ANGPTL8: variants seen among roughly 807,000 people sequenced by gnomAD.
ANGPTL8 encodes the protein angiopoietin like 8.
A neutral mutation model predicts 22.6 loss-of-function variants in ANGPTL8; 24 were observed. The ratio of observed to expected loss-of-function variants is 1.06; its 90% CI spans 0.77 to 1.49. The LOEUF is 1.49. ANGPTL8 is among the 40% of genes most tolerant of loss of function. ANGPTL8 has a pLI of 0.00. For missense variants in ANGPTL8, 230 were observed against 259.6 expected (o/e 0.89, Z 0.78); for synonymous variants, 88 against 113.4 (o/e 0.78, Z 1.42).
At position 11,241,567 on chromosome 19, in the gene ANGPTL8, G is replaced by A. The variant is rs760883807; in HGVS notation, c.569+13G>A. The A allele has an allele frequency of 3.2e-6, 5 of 1,554,308 alleles. No homozygotes were observed. In the South Asian group the frequency reaches 5.9e-5, roughly 18 times the overall value. On this transcript the variant is annotated intron_variant, in intron 3 of 3. Transcript: ENST00000252453. ...AGATCCAGGAGAGGTGAGCCTGGCA[G>A]GGGTTTGGCAGGCAGGGCAGTTGGA...
At chr19:11,241,091 A>C (rs1041691286) in intron 2 of ANGPTL8, among the ~76,000 whole-genome samples, 1 of 151,946 alleles carries the variant, frequency 6.6e-6, no homozygotes. Context: ...CTAAAAATAC[A>C]AAAAATTAGC....
intron 1 of ANGPTL8, 55 bp downstream of exon 1, chr19:11,239,989 G>A (rs1410916878): frequency 2.1e-5 from 33 of 1,551,270 alleles, no homozygotes; most frequent in African/African-American, 2.7e-5. Context: ...AGAGGAGTTC[G>A]TGTCTAGGGT....
Position 11,241,895 on chromosome 19 carries a change from C to T in ANGPTL8, c.*208C>T. The T allele has an allele frequency of 8.0e-7, 1 of 1,251,476 alleles. No homozygotes were observed. Among genetic ancestry groups the T allele is most frequent in the South Asian group, 1.4e-5 (1 of 70,754 alleles). The allele number at this position is 1,251,476 out of a possible 1,614,324, so 77.5% of individuals were successfully genotyped here. ...GGGAGGGGTGGAGGAAGGACATGTA[C>T]CCTTTCATGCCTACACACCCCTCAT... On this transcript the variant is annotated 3_prime_UTR_variant, in exon 4 of 4. Coordinates refer to ENST00000252453, the MANE Select transcript of ANGPTL8 (RefSeq NM_018687.7).
In ANGPTL8 at chr19:11,240,276, C is replaced by T. The variant is rs756968391; in HGVS notation, c.439C>T (p.Arg147Ter). ...LRSAWLGPAY[R>*]EFEVLKAHAD... Reference sequence around the variant, plus strand: ...GAGCGCCTGGCTGGGCCCTGCCTACCGAGAATTTGAGGTCTTAAAGGTAAG... The same window carrying T: ...GAGCGCCTGGCTGGGCCCTGCCTACTGAGAATTTGAGGTCTTAAAGGTAAG... The change falls in exon 2 of 4, where the codon CGA becomes TGA. Residue 147 changes from arginine (R) to a stop codon, truncating the protein, a stop_gained. Transcript: ENST00000252453. LOFTEE classifies it high-confidence loss of function. 2.2e-5 allele frequency: 35 copies of T among 1,582,688 alleles called. No individual in the cohort carries two copies. The highest frequency in any genetic ancestry group is 9.3e-5 in the Admixed American group (5 of 54,040).
In ANGPTL8 at chr19:11,239,848, G is replaced by C; in HGVS notation, c.211G>C (p.Gly71Arg). 6.2e-7 allele frequency: 1 copy of C among 1,600,574 alleles called. No homozygotes were observed. The part of the protein sequence containing the change: ...TKARNSLGLY[G>R]RTIELLGQEV... ...GGCCAGGAACAGCCTGGGTCTCTAT[G>C]GCCGCACAATAGAACTCCTGGGGCA... is the stretch of plus-strand genomic sequence containing the variant. Residue 71 changes from glycine (G) to arginine (R), a missense_variant, in exon 1 of 4, where the codon GGC (glycine) becomes CGC (arginine). Physicochemically the swap from Gly to Arg is moderately radical, Grantham distance 125. Transcript: ENST00000252453.
Position 11,241,838 on chromosome 19 carries a change from C to A in ANGPTL8, c.*151C>A. ...AGCACAGAGCAGAGACAGACGCAGG[C>A]GGGGACAAAGGCAGAGGATGTAGCC... is the stretch of plus-strand genomic sequence containing the variant. On this transcript the variant is annotated 3_prime_UTR_variant, in exon 4 of 4. Transcript: ENST00000252453. 1.4e-6 allele frequency: 2 copies of A among 1,385,952 alleles called. No homozygotes were observed. Among genetic ancestry groups the A allele is most frequent in the Admixed American group, 2.0e-5 (1 of 50,114 alleles). The allele number at this position is 1,385,952 out of a possible 1,614,324, so 85.9% of individuals were successfully genotyped here. A position where few individuals can be genotyped will look rare whatever the true frequency, so the allele number is the denominator to read the frequency against.
rs2079950319 is a variant in ANGPTL8, at chr19:11,241,801, G to A, written c.*114G>A. ...TCACTGGGATCAGCCAGGGCGCCGG[G>A]CCCCACTTCTGAGCACAGAGCAGAG... On this transcript the variant is annotated 3_prime_UTR_variant, in exon 4 of 4. Coordinates refer to ENST00000252453, the MANE Select transcript of ANGPTL8 (RefSeq NM_018687.7). 3.3e-6 allele frequency: 5 copies of A among 1,505,394 alleles called. No homozygotes were observed. The highest frequency in any genetic ancestry group is 1.2e-5 in the South Asian group (1 of 83,176). The allele number at this position is 1,505,394 out of a possible 1,614,324, so 93.3% of individuals were successfully genotyped here.
intron 2 of ANGPTL8, among the ~76,000 whole-genome samples, chr19:11,240,839 G>T (rs2079932535): frequency 6.6e-6 from 1 of 151,704 alleles, no homozygotes; most frequent in Non-Finnish European, 1.5e-5. Context: ...CAAAGTGCTG[G>T]GATTACAGGT....
Position 11,239,745 on chromosome 19 carries a change from C to T in ANGPTL8, c.108C>T (p.Thr36=), listed in dbSNP as rs749968127. Residue 36 remains threonine, a synonymous_variant, in exon 1 of 4, where the codon ACC becomes ACT. Transcript: ENST00000252453. Reference sequence around the variant, plus strand: ...AACTGGCACAGCATGAGGAGCTGACCCTGCTCTTCCATGGGACCCTGCAGC... The same window carrying T: ...AACTGGCACAGCATGAGGAGCTGACTCTGCTCTTCCATGGGACCCTGCAGC... ...GPELAQHEEL[T]LLFHGTLQLG... 6.2e-7 allele frequency: 1 copy of T among 1,612,952 alleles called. No individual in the cohort carries two copies. The highest frequency in any genetic ancestry group is 8.5e-7 in the Non-Finnish European group (1 of 1,179,612).
chr19:11,239,756 A>G lies in ANGPTL8; in HGVS notation c.119A>G (p.His40Arg). ...AQHEELTLLF[H>R]GTLQLGQALN... Reference sequence around the variant, plus strand: ...CATGAGGAGCTGACCCTGCTCTTCCATGGGACCCTGCAGCTGGGCCAGGCC... The same window carrying G: ...CATGAGGAGCTGACCCTGCTCTTCCGTGGGACCCTGCAGCTGGGCCAGGCC... The change falls in exon 1 of 4, where the codon CAT (histidine) becomes CGT (arginine). Residue 40 changes from histidine to arginine, a missense_variant. By Grantham distance (29) the His-to-Arg change is conservative. Coordinates refer to ENST00000252453, the MANE Select transcript of ANGPTL8 (RefSeq NM_018687.7). The G allele has an allele frequency of 1.2e-6, 2 of 1,612,502 alleles. No individual in the cohort carries two copies. The highest frequency in any genetic ancestry group is 1.7e-6 in the Non-Finnish European group (2 of 1,179,422).
intron 2 of ANGPTL8, 99 bp downstream of exon 2, chr19:11,240,395 C>A: frequency 7.9e-7 from 1 of 1,263,610 alleles, no homozygotes; most frequent in Non-Finnish European, 1.1e-6. Flanking sequence ...ATCAGCCTCC[C>A]AGCTCTGTGG....
chr19:11,239,798 G>C lies in ANGPTL8; in HGVS notation c.161G>C (p.Arg54Thr). Residue 54 changes from arginine (R) to threonine (T), a missense_variant, in exon 1 of 4, where the codon AGG becomes ACG. Physicochemically the swap from Arg to Thr is moderately conservative, Grantham distance 71. Transcript: ENST00000252453. Reference protein sequence around the residue: ...QLGQALNGVYRTTEGRLTKAR... With the variant: ...QLGQALNGVYTTTEGRLTKAR... Reference sequence around the variant, plus strand: ...GGCCAGGCCCTCAACGGTGTGTACAGGACCACGGAGGGACGGCTGACAAAG... The same window carrying C: ...GGCCAGGCCCTCAACGGTGTGTACACGACCACGGAGGGACGGCTGACAAAG... 1 of 1,608,050 alleles carries C rather than the reference G, an allele frequency of 6.2e-7. No homozygotes were observed. Among genetic ancestry groups the C allele is most frequent in the Non-Finnish European group, 8.5e-7 (1 of 1,177,464 alleles).
intron 2 of ANGPTL8, 37 bp downstream of exon 2, chr19:11,240,333 T>A: frequency 6.7e-7 from 1 of 1,500,744 alleles, no homozygotes; most frequent in East Asian, 2.4e-5. Flanking sequence ...GCTGAGACCC[T>A]GATTTCCGGC....
At chr19:11,240,424 CCAGA>C (rs1027131440) in intron 2 of ANGPTL8, 128 bp downstream of exon 2, 7 of 952,180 alleles carry the variant, frequency 7.4e-6, no homozygotes, top group South Asian at 2.0e-5. Flanking sequence ...CTGCATGTCC[CCAGA>C]CAAAACTCAA....
In ANGPTL8 at chr19:11,239,895, T is replaced by G; in HGVS notation, c.258T>G (p.Asp86Glu). The G allele has an allele frequency of 6.3e-7, 1 of 1,593,590 alleles. No homozygotes were observed. Among genetic ancestry groups the G allele is most frequent in the Non-Finnish European group, 8.5e-7 (1 of 1,170,422 alleles). The stretch of plus-strand genomic sequence containing the variant: ...GGCAGGAGGTCAGCCGGGGCCGGGA[T>G]GCAGCCCAGGAACTTCGGGCAAGCC... ...LLGQEVSRGR[D>E]AAQELRASLL... The change falls in exon 1 of 4, where the codon GAT becomes GAG. Residue 86 changes from aspartate (D) to glutamate (E), a missense_variant. Asp to Glu is a conservative substitution (Grantham distance 45, BLOSUM62 2). Coordinates refer to ENST00000252453, the MANE Select transcript of ANGPTL8 (RefSeq NM_018687.7).
In ANGPTL8 at chr19:11,240,209, G is replaced by T. The variant is rs749030012; in HGVS notation, c.372G>T (p.Lys124Asn). Residue 124 changes from lysine to asparagine, a missense_variant, in exon 2 of 4, where the codon AAG becomes AAT. Lys to Asn is a moderately conservative substitution (Grantham distance 94). Coordinates refer to ENST00000252453, the MANE Select transcript of ANGPTL8 (RefSeq NM_018687.7). ...EVLGEVAQAQ[K>N]VLRDSVQRLE... ...TGGGGGAGGTGGCCCAGGCACAGAAGGTGCTACGGGACAGCGTGCAGCGGC... is the reference window on the plus strand; with the variant it reads ...TGGGGGAGGTGGCCCAGGCACAGAATGTGCTACGGGACAGCGTGCAGCGGC... 1.3e-6 allele frequency: 2 copies of T among 1,563,144 alleles called. No homozygotes were observed. Among genetic ancestry groups the T allele is most frequent in the East Asian group, 4.8e-5 (2 of 41,974 alleles).
intron 2 of ANGPTL8, among the ~76,000 whole-genome samples, chr19:11,241,215 A>C (rs2079938260): frequency 6.6e-6 from 1 of 151,262 alleles, no homozygotes; most frequent in African/African-American, 2.4e-5. Flanking sequence ...CATTGCACTC[A>C]GCCTGGGTGA....
rs1175331654 is a variant in ANGPTL8 at position 11,239,905 on chromosome 19, G to A, written c.268G>A (p.Glu90Lys). ...CAGCCGGGGCCGGGATGCAGCCCAG[G>A]AACTTCGGGCAAGCCTGTTGGAGAC... ...EVSRGRDAAQ[E>K]LRASLLETQM... Residue 90 changes from glutamate (E) to lysine (K), a missense_variant, in exon 1 of 4, where the codon GAA becomes AAA. Physicochemically the swap from Glu to Lys is moderately conservative, Grantham distance 56. Coordinates refer to ENST00000252453, the MANE Select transcript of ANGPTL8 (RefSeq NM_018687.7). 6.3e-7 allele frequency: 1 copy of A among 1,590,330 alleles called. No individual in the cohort carries two copies.
Position 11,240,288 on chromosome 19 carries a change from G to A in ANGPTL8, c.451G>A (p.Val151Ile), listed in dbSNP as rs1174723413. 6.3e-7 allele frequency: 1 copy of A among 1,576,026 alleles called. No homozygotes were observed. The highest frequency in any genetic ancestry group is 8.6e-7 in the Non-Finnish European group (1 of 1,163,302). Residue 151 changes from valine to isoleucine, a missense_variant, in exon 2 of 4, where the codon GTC becomes ATC. Coordinates refer to ENST00000252453, the MANE Select transcript of ANGPTL8 (RefSeq NM_018687.7). ...GGGCCCTGCCTACCGAGAATTTGAG[G>A]TCTTAAAGGTAAGGAGCTCCCCCAA... ...WLGPAYREFE[V>I]LKAHADKQSH...
Sources: allele counts gnomAD v4.1 joint callset (sites outside exome capture counted in the v4.1 genomes callset), GRCh38; gene constraint gnomAD v4.1.1; transcripts MANE v1.5; gene names NCBI Gene and HGNC (gene_info 2026-07-23, HGNC 2026-07-21).